Variants in TMPRSS13 observed in about 807,000 individuals in gnomAD.
TMPRSS13 encodes the protein transmembrane serine protease 13, also known as transmembrane protease serine 13.
Under a neutral mutation model 68.4 loss-of-function variants are expected in TMPRSS13, and 50 were observed. That is an observed-to-expected ratio of 0.73 (90% CI 0.58 to 0.93). The LOEUF (loss-of-function observed/expected upper bound fraction) is 0.93. TMPRSS13 is among the 40% of genes least tolerant of loss of function. The probability of loss-of-function intolerance (pLI) is 0.00; values close to 1 mark genes in which losing one functional copy is unlikely to be tolerated. For missense variants in TMPRSS13, 615 were observed against 729.2 expected (o/e 0.84, Z 1.80); for synonymous variants, 267 against 285.8 (o/e 0.93, Z 0.66).
intron 8 of TMPRSS13, 76 bp downstream of exon 8, chr11:117,909,730 G>A (rs2134887082): frequency 6.6e-7 from 1 of 1,514,850 alleles, no homozygotes; most frequent in East Asian, 2.4e-5. Flanking sequence ...CCACGAAGAA[G>A]TCAGTCTGCA....
At chr11:117,910,560 G>A in intron 7 of TMPRSS13, 147 bp downstream of exon 7, 6 of 696,092 alleles carry the variant, frequency 8.6e-6, no homozygotes, top group Non-Finnish European at 1.4e-5. Flanking sequence ...GCCTTACAGG[G>A]ACTCCAGCCC....
At chr11:117,909,428 C>T (rs1278917149) in intron 8 of TMPRSS13, among the ~76,000 whole-genome samples, 1 of 152,230 alleles carries the variant, frequency 6.6e-6, no homozygotes, top group Non-Finnish European at 1.5e-5. Flanking sequence ...CCTGCAATCC[C>T]TAACCCTCAA....
chr11:117,924,959 C>A (rs982219214), intron 1 of TMPRSS13, among the ~76,000 whole-genome samples: 5 of 152,144 alleles, frequency 3.3e-5, no homozygotes, highest in Admixed American at 1.3e-4. Context: ...CTGCCTCGCC[C>A]TGGGGGTGGG....
chr11:117,914,531 A>G lies in TMPRSS13; in HGVS notation c.557-17T>C. On this transcript the variant is annotated splice_polypyrimidine_tract_variant and intron_variant, in intron 3 of 12. Coordinates refer to ENST00000524993, the MANE Select transcript of TMPRSS13 (RefSeq NM_001077263.3). The surrounding 1 kb of genome is among the most constrained non-coding windows in gnomAD (Gnocchi z 4.2). ...AGAACTGGACTAGAGAAAAAGAAGC[A>G]GACAGCTGGGTCATGGCCAGCCCCA... 3 of 1,613,594 alleles carry G rather than the reference A, an allele frequency of 1.9e-6. No homozygotes were observed. The highest frequency in any genetic ancestry group is 2.5e-6 in the Non-Finnish European group (3 of 1,179,942).
At chr11:117,917,078 C>T (rs892825435) in intron 3 of TMPRSS13, 92 bp downstream of exon 3, 1 of 1,054,168 alleles carries the variant, frequency 9.5e-7, no homozygotes. Context: ...TGGGTGCTCC[C>T]CACACCTGTC....
chr11:117,905,525 C>A, intron 10 of TMPRSS13, 113 bp downstream of exon 10: 1 of 851,166 alleles, frequency 1.2e-6, no homozygotes. Context: ...TACCCAAACG[C>A]TCATCGACAT....
intron 1 of TMPRSS13, among the ~76,000 whole-genome samples, chr11:117,927,760 T>C (rs1269170639): frequency 1.3e-5 from 2 of 152,242 alleles, no homozygotes; most frequent in African/African-American, 2.4e-5. Flanking sequence ...CAGAGTTCCA[T>C]CTTAAATAGG....
At chr11:117,920,974 C>G (rs1591629955) in intron 1 of TMPRSS13, among the ~76,000 whole-genome samples, 2 of 152,174 alleles carry the variant, frequency 1.3e-5, no homozygotes, top group African/African-American at 4.8e-5. Flanking sequence ...ATGGGTGATA[C>G]ACATGAAAGA....
chr11:117,906,743 G>C (rs143557784), intron 9 of TMPRSS13, among the ~76,000 whole-genome samples: 1 of 151,982 alleles, frequency 6.6e-6, no homozygotes, highest in African/African-American at 2.4e-5. Context: ...GCCCCTTTTT[G>C]AGATGTAAAG....
chr11:117,911,404 C>T (rs1300321187), intron 6 of TMPRSS13, among the ~76,000 whole-genome samples: 1 of 152,090 alleles, frequency 6.6e-6, no homozygotes, highest in Non-Finnish European at 1.5e-5. Flanking sequence ...AAGTGTCATG[C>T]CAGGGTGTCA....
At chr11:117,926,927 G>C (rs1360307966) in intron 1 of TMPRSS13, among the ~76,000 whole-genome samples, 3 of 152,160 alleles carry the variant, frequency 2.0e-5, no homozygotes, top group Non-Finnish European at 4.4e-5. Context: ...GCCTTACTAT[G>C]GGAAGGACAC....
intron 9 of TMPRSS13, among the ~76,000 whole-genome samples, chr11:117,906,479 T>A (rs1438857732): frequency 2.0e-5 from 3 of 152,240 alleles, no homozygotes; most frequent in African/African-American, 7.2e-5. Context: ...AACCCTTTGT[T>A]ATATTCACTG....
At chr11:117,926,149 G>A (rs1194238384) in intron 1 of TMPRSS13, among the ~76,000 whole-genome samples, 1 of 142,480 alleles carries the variant, frequency 7.0e-6, no homozygotes, top group Non-Finnish European at 1.5e-5. Context: ...GTCCTTGGAG[G>A]ACGAGGTGAG....
intron 5 of TMPRSS13, among the ~76,000 whole-genome samples, chr11:117,912,790 G>C (rs1447592701): frequency 1.3e-5 from 2 of 152,192 alleles, no homozygotes; most frequent in African/African-American, 4.8e-5. Context: ...GGTCCTTCAA[G>C]GCTGGGCTCC....
At chr11:117,924,682 C>T (rs77637745) in intron 1 of TMPRSS13, among the ~76,000 whole-genome samples, 5 of 152,110 alleles carry the variant, frequency 3.3e-5, no homozygotes, top group African/African-American at 4.8e-5. Context: ...AGCGAGGGCC[C>T]GGCTGGACTG....
Position 117,913,914 on chromosome 11 carries a change from G to T in TMPRSS13, c.680-8C>A, listed in dbSNP as rs1270302852. The T allele has an allele frequency of 6.2e-7, 1 of 1,612,954 alleles. No individual in the cohort carries two copies. The stretch of plus-strand genomic sequence containing the variant: ...TGTCCCAGTCAAACCTCACTGCAGG[G>T]CAAGAAAAAGGCAGAGCAGGTCCTC... On this transcript the variant is annotated splice_polypyrimidine_tract_variant and splice_region_variant and intron_variant, in intron 4 of 12. Coordinates refer to ENST00000524993, the MANE Select transcript of TMPRSS13 (RefSeq NM_001077263.3).
At chr11:117,924,728 G>T (rs1336856489) in intron 1 of TMPRSS13, among the ~76,000 whole-genome samples, 1 of 152,082 alleles carries the variant, frequency 6.6e-6, no homozygotes, top group Non-Finnish European at 1.5e-5. Context: ...CTAGACCCAG[G>T]CTTCACTGTA....
intron 12 of TMPRSS13, among the ~76,000 whole-genome samples, chr11:117,902,753 CATTT>C (rs775737216): frequency 1.3e-5 from 2 of 152,232 alleles, no homozygotes; most frequent in African/African-American, 4.8e-5. Flanking sequence ...TTATTCTTTT[CATTT>C]ATTTGTTTAT....
Position 117,903,767 on chromosome 11 carries a change from C to T in TMPRSS13, c.1565G>A (p.Arg522His), listed in dbSNP as rs768532711. The T allele has an allele frequency of 2.7e-5, 43 of 1,612,074 alleles. 1 individual carries two copies. Among genetic ancestry groups the T allele is most frequent in the South Asian group, 2.1e-4 (19 of 90,606 alleles). The change falls in exon 12 of 13, where the codon CGC becomes CAC. Residue 522 changes from arginine to histidine, a missense_variant. Physicochemically the swap from Arg to His is conservative, Grantham distance 29 (BLOSUM62 0). Transcript: ENST00000524993. ...GGPLVCEQNNRWYLAGVTSWG... is the reference protein window; with the variant it reads ...GGPLVCEQNNHWYLAGVTSWG... ...GCTGGTGACACCTGCCAGGTACCAG[C>T]GGTTGTTCTGCTCACAGACAAGAGG...
Sources: allele counts gnomAD v4.1 joint callset (sites outside exome capture counted in the v4.1 genomes callset), GRCh38; gene constraint gnomAD v4.1.1; non-coding constraint Gnocchi (gnomAD v3.1); transcripts MANE v1.5; gene names NCBI Gene and HGNC (gene_info 2026-07-23, HGNC 2026-07-21).